The following STIM2 variants were observed in gnomAD, a reference collection of about 807,000 sequenced individuals.
The protein encoded by STIM2 is stromal interaction molecule 2.
STIM2 carries 31 observed loss-of-function variants against 85.8 expected under a neutral mutation model. The observed-to-expected ratio is 0.36, with a 90% CI of 0.27 to 0.49. The LOEUF is 0.49. Ranked by LOEUF, STIM2 falls within the 20% of genes least tolerant of loss-of-function variation. STIM2 has a pLI of 0.98. For missense variants in STIM2, 841 were observed against 927.6 expected (o/e 0.91, Z 1.21); for synonymous variants, 356 against 331.1 (o/e 1.08, Z -0.82).
At chr4:26,935,791 T>C (rs939721972) in intron 2 of STIM2, among the ~76,000 whole-genome samples, 1 of 152,212 alleles carries the variant, frequency 6.6e-6, no homozygotes, top group African/African-American at 2.4e-5. Context: ...GATTAGGTCT[T>C]TGAAAATATG....
At chr4:26,913,648 T>A (rs1724422213) in intron 1 of STIM2, among the ~76,000 whole-genome samples, 1 of 152,248 alleles carries the variant, frequency 6.6e-6, no homozygotes, top group Non-Finnish European at 1.5e-5. Flanking sequence ...GCTTTTCTAA[T>A]CAGCCAAATT....
intron 3 of STIM2, among the ~76,000 whole-genome samples, chr4:26,981,903 A>T (rs1727410496): frequency 6.6e-6 from 1 of 151,798 alleles, no homozygotes; most frequent in African/African-American, 2.4e-5. Flanking sequence ...CATTTGATGA[A>T]TATAGTGTCT....
intron 3 of STIM2, among the ~76,000 whole-genome samples, chr4:26,961,354 G>T (rs1257153942): frequency 6.6e-6 from 1 of 152,158 alleles, no homozygotes; most frequent in Non-Finnish European, 1.5e-5. Flanking sequence ...AATGTGAAAT[G>T]ATACCATGTT....
At chr4:26,871,282 C>A (rs1469928475) in intron 1 of STIM2, among the ~76,000 whole-genome samples, 1 of 152,074 alleles carries the variant, frequency 6.6e-6, no homozygotes, top group Non-Finnish European at 1.5e-5. Flanking sequence ...CTTTAAAAAA[C>A]CCCCCTGTGC....
At chr4:27,017,350 C>T (rs937896101) in intron 10 of STIM2, among the ~76,000 whole-genome samples, 11 of 152,070 alleles carry the variant, frequency 7.2e-5, no homozygotes, top group African/African-American at 2.7e-4. Context: ...ATTCTGTTGT[C>T]CTTTCTTTAT....
Position 26,861,250 on chromosome 4 carries a change from C to T in STIM2, c.32C>T (p.Ala11Val), listed in dbSNP as rs1402287719. ...GTGCTCGGGCTGCTGGTAGCCGGAG[C>T]GGCGGACGGATGCGAGCTTGTGCCC... The change falls in exon 1 of 12, where the codon GCG becomes GTG. Residue 11 changes from alanine (A) to valine (V), a missense_variant. By Grantham distance (64) the Ala-to-Val change is moderately conservative. This residue lies in a region of STIM2 where 140 missense variants were observed against 117.7 expected (regional missense o/e 1.19). Coordinates refer to ENST00000467087, the MANE Select transcript of STIM2 (RefSeq NM_020860.4). 2.7e-6 allele frequency: 4 copies of T among 1,484,734 alleles called. No individual in the cohort carries two copies. Among genetic ancestry groups the T allele is most frequent in the Non-Finnish European group, 2.7e-6 (3 of 1,124,132 alleles). The allele number at this position is 1,484,734 out of a possible 1,614,324, so 92.0% of individuals were successfully genotyped here. A position where few individuals can be genotyped will look rare whatever the true frequency, so the allele number is the denominator to read the frequency against.
At chr4:27,004,315 A>G (rs911162989) in intron 7 of STIM2, among the ~76,000 whole-genome samples, 10 of 152,160 alleles carry the variant, frequency 6.6e-5, no homozygotes, top group Non-Finnish European at 1.5e-5. Context: ...GCCTCATTCA[A>G]CTAACAAACC....
At chr4:26,892,102 A>G (rs2109045546) in intron 1 of STIM2, among the ~76,000 whole-genome samples, 1 of 152,312 alleles carries the variant, frequency 6.6e-6, no homozygotes, top group Non-Finnish European at 1.5e-5. Context: ...ACCTTCTGCC[A>G]TAATTGTGAG....
intron 3 of STIM2, among the ~76,000 whole-genome samples, chr4:26,959,221 C>T (rs1303125720): frequency 6.6e-6 from 1 of 152,196 alleles, no homozygotes; most frequent in African/African-American, 2.4e-5. Flanking sequence ...TCTCTCTCAT[C>T]TCTTACCTCT....
At chr4:27,008,197 A>G (rs1043249915) in intron 8 of STIM2, among the ~76,000 whole-genome samples, 1 of 152,198 alleles carries the variant, frequency 6.6e-6, no homozygotes, top group African/African-American at 2.4e-5. Flanking sequence ...GAAATAAGAG[A>G]AAAATTCTCC....
chr4:26,927,884 A>G (rs934634298), intron 2 of STIM2, among the ~76,000 whole-genome samples: 2 of 146,762 alleles, frequency 1.4e-5, no homozygotes, highest in East Asian at 1.9e-4. Context: ...ATATTAATAT[A>G]TAATATAAAT....
At chr4:27,004,423 C>T (rs1190689973) in intron 7 of STIM2, among the ~76,000 whole-genome samples, 2 of 152,114 alleles carry the variant, frequency 1.3e-5, no homozygotes, top group Non-Finnish European at 2.9e-5. Context: ...GCCCTTTGCA[C>T]TCCTGTAAGA....
chr4:26,887,912 C>T (rs2109042332), intron 1 of STIM2, among the ~76,000 whole-genome samples: 1 of 152,268 alleles, frequency 6.6e-6, no homozygotes, highest in East Asian at 1.9e-4. Flanking sequence ...AGATCCAAAT[C>T]CAAATCCAAA....
At position 26,862,493 on chromosome 4, in the gene STIM2, C is replaced by T. The variant is rs140670371; in HGVS notation, c.151+1124C>T. 9.4e-3 allele frequency among the ~76,000 whole-genome samples: 1,427 copies of T among 152,224 alleles called. 18 individuals carry two copies. The highest frequency in any genetic ancestry group is 0.017 in the South Asian group (83 of 4,826). ...ACTAACAGCTTCTCTGACAAGTGCT[C>T]AGGAACTGTATTCTTTAAAGCCAAG... On this transcript the variant is annotated intron_variant, in intron 1 of 11. Transcript: ENST00000467087.
intron 1 of STIM2, among the ~76,000 whole-genome samples, chr4:26,863,102 A>G (rs1722279219): frequency 2.4e-5 from 3 of 126,556 alleles, no homozygotes. Context: ...CATCAAGAAA[A>G]TTGGTCAGAT....
chr4:27,001,004 TC>T (rs1728131579), intron 5 of STIM2, among the ~76,000 whole-genome samples: 1 of 152,166 alleles, frequency 6.6e-6, no homozygotes, highest in Non-Finnish European at 1.5e-5. Context: ...GTACATTTCT[TC>T]CCCTACAGGT....
chr4:26,989,965 C>A (rs879733861), intron 3 of STIM2, among the ~76,000 whole-genome samples: 6 of 151,906 alleles, frequency 3.9e-5, no homozygotes, highest in Non-Finnish European at 8.8e-5. Flanking sequence ...GAAGAGGATT[C>A]ACAAAAAAGG....
At position 26,989,835 on chromosome 4, in the gene STIM2, A is replaced by G. The variant is rs373630932; in HGVS notation, c.398-5544A>G. On this transcript the variant is annotated intron_variant, in intron 3 of 11. Transcript: ENST00000467087. ...ACATTAGCAGAGATCACTCTGAAAA[A>G]GAAATCAAGAAAGCAATCTTCTTTA... Among the ~76,000 whole-genome samples, 11 of 152,196 alleles carry G rather than the reference A, an allele frequency of 7.2e-5. No homozygotes were observed. In the East Asian group the frequency reaches 2.1e-3, roughly 29 times the overall value.
chr4:26,869,434 AG>A (rs1294144961), intron 1 of STIM2, among the ~76,000 whole-genome samples: 4 of 152,112 alleles, frequency 2.6e-5, no homozygotes, highest in Non-Finnish European at 1.5e-5. Context: ...GTGTGCATAG[AG>A]TTTTAAACAT....
Sources: gnomAD v4.1 joint callset for allele counts (sites outside exome capture counted in the v4.1 genomes callset) on GRCh38, gnomAD v4.1.1 for gene constraint, gnomAD v4.1.1 regional missense constraint, MANE v1.5 for transcripts, NCBI Gene and HGNC (gene_info 2026-07-23, HGNC 2026-07-21) for gene names.